PCLO: variants seen among roughly 807,000 people sequenced by gnomAD.
The protein encoded by PCLO is piccolo presynaptic cytomatrix protein, also known as protein piccolo.
PCLO carries 82 observed loss-of-function variants against 427.5 expected under a neutral mutation model. The ratio of observed to expected loss-of-function variants is 0.19; its 90% confidence interval spans 0.16 to 0.23. The LOEUF (loss-of-function observed/expected upper bound fraction) is 0.23, where lower values mean the gene tolerates loss of function less well. PCLO is among the 10% of genes least tolerant of loss of function. PCLO has a pLI of 1.00. For synonymous variants in PCLO, 2,357 were observed against 2,155.4 expected, an observed-to-expected ratio of 1.09 and a Z score of -2.59; for missense variants, 6,239 against 6,115.9, an observed-to-expected ratio of 1.02 and a Z score of -0.67.
At position 82,951,190 on chromosome 7, in the gene PCLO, A is replaced by C. The variant is rs368124135; in HGVS notation, c.9398T>G (p.Met3133Arg). 13 of 1,613,754 alleles carry C rather than the reference A, an allele frequency of 8.1e-6. No homozygotes were observed. The highest frequency in any genetic ancestry group is 8.5e-6 in the Non-Finnish European group (10 of 1,179,780). ...TADAVTSLPA[M>R]HHSQPMPRSY... is the part of the protein sequence containing the mutation. ...TCTAGGCATTGGCTGGCTATGGTGCATGGCAGGTAATGAAGTCACTGCATC... is the reference window on the plus strand; with the variant it reads ...TCTAGGCATTGGCTGGCTATGGTGCCTGGCAGGTAATGAAGTCACTGCATC... Residue 3133 changes from methionine to arginine, a missense_variant, in exon 6 of 25, where the codon ATG becomes AGG. Physicochemically the swap from Met to Arg is moderately conservative, Grantham distance 91. This residue lies in a region of PCLO where 4,677 missense variants were observed against 4,468.4 expected (regional missense o/e 1.05). Coordinates refer to ENST00000333891, the MANE Select transcript of PCLO (RefSeq NM_033026.6).
intron 3 of PCLO, among the ~76,000 whole-genome samples, chr7:83,092,987 T>C (rs1244984664): frequency 6.7e-6 from 1 of 148,458 alleles, no homozygotes; most frequent in Non-Finnish European, 1.5e-5. Context: ...TTTCAATGGA[T>C]ATCAAATAAT....
At chr7:82,977,905 G>A (rs1796056783) in intron 3 of PCLO, among the ~76,000 whole-genome samples, 1 of 151,868 alleles carries the variant, frequency 6.6e-6, no homozygotes, top group Non-Finnish European at 1.5e-5. Context: ...GACACTAAGG[G>A]GCTTATTTTT....
chr7:82,793,598 T>A (rs1244686300), intron 22 of PCLO, among the ~76,000 whole-genome samples: 1 of 152,142 alleles, frequency 6.6e-6, no homozygotes, highest in African/African-American at 2.4e-5. Flanking sequence ...CTACTAGAAA[T>A]GTCTGTACCC....
chr7:82,962,611 C>A (rs1795678246), intron 4 of PCLO, among the ~76,000 whole-genome samples: 1 of 151,490 alleles, frequency 6.6e-6, no homozygotes, highest in Non-Finnish European at 1.5e-5. Context: ...TATTGTGAAC[C>A]CTCAAGGAAA....
intron 3 of PCLO, among the ~76,000 whole-genome samples, chr7:83,100,703 G>A (rs1790716196): frequency 6.6e-6 from 1 of 152,000 alleles, no homozygotes; most frequent in African/African-American, 2.4e-5. Context: ...TAACTAATGG[G>A]TACTAGGCTT....
intron 19 of PCLO, among the ~76,000 whole-genome samples, chr7:82,823,889 G>T (rs1791861180): frequency 6.6e-6 from 1 of 152,134 alleles, no homozygotes; most frequent in Admixed American, 6.6e-5. Flanking sequence ...TCTAGTCAAT[G>T]AACTCGTAGG....
chr7:83,093,243 TG>T (rs1210091680), intron 3 of PCLO, among the ~76,000 whole-genome samples: 1 of 151,460 alleles, frequency 6.6e-6, no homozygotes, highest in Non-Finnish European at 1.5e-5. Flanking sequence ...AATCAATAAA[TG>T]TTGTCTTAAT....
At chr7:82,793,211 G>A (rs915724324) in intron 22 of PCLO, among the ~76,000 whole-genome samples, 1 of 152,058 alleles carries the variant, frequency 6.6e-6, no homozygotes. Flanking sequence ...TTTGAAATTC[G>A]TGTTATGGTG....
At chr7:83,044,789 C>A (rs552079808) in intron 3 of PCLO, among the ~76,000 whole-genome samples, 1 of 151,992 alleles carries the variant, frequency 6.6e-6, no homozygotes, top group Non-Finnish European at 1.5e-5. Flanking sequence ...TATATTGATT[C>A]GATATCTAAA....
intron 3 of PCLO, among the ~76,000 whole-genome samples, chr7:83,015,408 C>A (rs987571683): frequency 1.3e-5 from 2 of 151,676 alleles, no homozygotes; most frequent in Non-Finnish European, 2.9e-5. Flanking sequence ...CATGAGATTT[C>A]TTTTCTTTAC....
At chr7:83,002,362 TC>T in intron 3 of PCLO, among the ~76,000 whole-genome samples, 1 of 151,982 alleles carries the variant, frequency 6.6e-6, no homozygotes, top group Non-Finnish European at 1.5e-5. Context: ...ATCTTCCATT[TC>T]TTGAAGTTTC....
intron 3 of PCLO, among the ~76,000 whole-genome samples, chr7:83,123,198 G>T (rs150623891): frequency 3.4e-4 from 52 of 152,218 alleles, no homozygotes; most frequent in African/African-American, 1.1e-3. Context: ...AAAACTGGAA[G>T]ACTCACATTA....
chr7:82,794,854 GT>G (rs1791193435), intron 22 of PCLO, among the ~76,000 whole-genome samples: 1 of 151,974 alleles, frequency 6.6e-6, no homozygotes, highest in Non-Finnish European at 1.5e-5. Context: ...ATTTAGTATA[GT>G]GATCATTTAG....
At position 82,965,681 on chromosome 7, in the gene PCLO, T is replaced by C. The variant is rs1024213191; in HGVS notation, c.4017+90A>G. ...TTCATTGTTTGAGGAACTTCACTTA[T>C]ATAATTACCATTGAGCAACTTGTAT... On this transcript the variant is annotated intron_variant, in intron 4 of 24. Coordinates refer to ENST00000333891, the MANE Select transcript of PCLO (RefSeq NM_033026.6). 14 of 777,258 alleles carry C rather than the reference T, an allele frequency of 1.8e-5. No homozygotes were observed. In the South Asian group the frequency reaches 1.9e-4, roughly 11 times the overall value. The allele number at this position is 777,258 out of a possible 1,614,324, so 48.1% of individuals were successfully genotyped here.
intron 3 of PCLO, among the ~76,000 whole-genome samples, chr7:83,089,727 AAGGC>A (rs2116433009): frequency 6.6e-6 from 1 of 152,242 alleles, no homozygotes; most frequent in Admixed American, 6.5e-5. Flanking sequence ...GGAAAGAGGC[AAGGC>A]AGGCAGCTTC....
intron 3 of PCLO, among the ~76,000 whole-genome samples, chr7:83,028,659 A>G (rs1463917458): frequency 6.6e-6 from 1 of 150,672 alleles, no homozygotes. Context: ...AGTCAATCCT[A>G]AGCCAAAAGA....
chr7:83,041,656 G>A (rs1212994815), intron 3 of PCLO, among the ~76,000 whole-genome samples: 3 of 152,090 alleles, frequency 2.0e-5, no homozygotes, highest in African/African-American at 7.2e-5. Flanking sequence ...CAGTCTAGAA[G>A]CACAGAGCAT....
intron 3 of PCLO, among the ~76,000 whole-genome samples, chr7:83,084,245 G>T (rs1790174946): frequency 6.6e-6 from 1 of 151,824 alleles, no homozygotes; most frequent in Admixed American, 6.6e-5. Flanking sequence ...GGACTTGGAG[G>T]TAGTGTGAAA....
chr7:83,119,851 T>C (rs1584048718), intron 3 of PCLO, among the ~76,000 whole-genome samples: 1 of 146,288 alleles, frequency 6.8e-6, no homozygotes, highest in South Asian at 2.1e-4. Flanking sequence ...ATTGAAGTAA[T>C]TTAAAAAATC....
Sources: allele counts gnomAD v4.1 joint callset (sites outside exome capture counted in the v4.1 genomes callset), GRCh38; gene constraint gnomAD v4.1.1; regional missense constraint gnomAD v4.1.1; transcripts MANE v1.5; gene names NCBI Gene and HGNC (gene_info 2026-07-23, HGNC 2026-07-21).